Variants in NRXN3 observed in about 807,000 individuals in gnomAD.
NRXN3 encodes neurexin 3, also known as neurexin III.
A neutral mutation model predicts 137.6 loss-of-function variants in NRXN3; 32 were observed. The ratio of observed to expected loss-of-function variants is 0.23; its 90% CI spans 0.18 to 0.31. The LOEUF is 0.31. NRXN3 is among the 10% of genes least tolerant of loss of function. The probability of loss-of-function intolerance (pLI) is 1.00; values close to 1 mark genes in which losing one functional copy is unlikely to be tolerated. For synonymous variants in NRXN3, 798 were observed against 784.5 expected (o/e 1.02, Z -0.29); for missense variants, 1,574 against 2,062.5 (o/e 0.76, Z 4.59).
At chr14:79,215,870 A>T (rs2068420137) in intron 15 of NRXN3, among the ~76,000 whole-genome samples, 1 of 152,210 alleles carries the variant, frequency 6.6e-6, no homozygotes, top group Non-Finnish European at 1.5e-5. Context: ...ATTCAAAGAG[A>T]TAAGCATTTT....
intron 15 of NRXN3, among the ~76,000 whole-genome samples, chr14:79,002,228 A>G (rs1247552668): frequency 6.6e-6 from 1 of 152,122 alleles, no homozygotes; most frequent in Non-Finnish European, 1.5e-5. Context: ...TTTTATTTTT[A>G]GTTCTGGGGT....
chr14:79,133,943 AAAAAAAAAG>A (rs1281506772), intron 15 of NRXN3, among the ~76,000 whole-genome samples: 1 of 110,450 alleles, frequency 9.1e-6, no homozygotes, highest in East Asian at 4.0e-4. Flanking sequence ...AAAAGAAAAA[AAAAAAAAAG>A]GAAAGAAAAA....
intron 15 of NRXN3, among the ~76,000 whole-genome samples, chr14:79,395,812 A>C (rs1228008781): frequency 6.6e-6 from 1 of 151,590 alleles, no homozygotes; most frequent in East Asian, 1.9e-4. Context: ...CCATCTCAAA[A>C]AAAAAAAAAA....
intron 6 of NRXN3, among the ~76,000 whole-genome samples, chr14:78,699,040 C>T (rs1420589545): frequency 6.6e-6 from 1 of 152,000 alleles, no homozygotes; most frequent in East Asian, 1.9e-4. Context: ...TACTTTGTGT[C>T]AGGCATTGAG....
At chr14:78,368,992 A>G (rs1016579361) in intron 4 of NRXN3, among the ~76,000 whole-genome samples, 4 of 152,146 alleles carry the variant, frequency 2.6e-5, no homozygotes. Flanking sequence ...GACCAGCTCC[A>G]CAGATGAATG....
intron 4 of NRXN3, among the ~76,000 whole-genome samples, chr14:78,467,678 A>G (rs1236360444): frequency 6.6e-6 from 1 of 152,228 alleles, no homozygotes; most frequent in Non-Finnish European, 1.5e-5. Context: ...CTGGCCCATC[A>G]CTATTAACAT....
intron 10 of NRXN3, among the ~76,000 whole-genome samples, chr14:78,838,641 AC>A (rs2152433481): frequency 6.6e-6 from 1 of 152,314 alleles, no homozygotes; most frequent in Admixed American, 6.5e-5. Flanking sequence ...GGGGAATTTG[AC>A]AATCAATCTC....
intron 15 of NRXN3, among the ~76,000 whole-genome samples, chr14:79,264,113 G>C (rs2078058166): frequency 6.6e-6 from 1 of 151,852 alleles, no homozygotes. Context: ...TTTGAGACAG[G>C]GTCTTGCTCT....
At chr14:78,334,203 A>T (rs2081186240) in intron 4 of NRXN3, among the ~76,000 whole-genome samples, 1 of 152,030 alleles carries the variant, frequency 6.6e-6, no homozygotes, top group African/African-American at 2.4e-5. Flanking sequence ...CCAAGAGGAG[A>T]TATTGAGGAA....
At chr14:78,293,010 ACT>A (rs1177902744) in intron 3 of NRXN3, among the ~76,000 whole-genome samples, 2 of 151,792 alleles carry the variant, frequency 1.3e-5, no homozygotes, top group African/African-American at 4.8e-5. Context: ...CCTAGCATAG[ACT>A]CTGTTTCCTT....
chr14:78,335,810 GAA>G (rs1257020357), intron 4 of NRXN3, among the ~76,000 whole-genome samples: 2 of 152,262 alleles, frequency 1.3e-5, no homozygotes, highest in East Asian at 3.9e-4. Context: ...CCAGCTCCAT[GAA>G]ATGTAAATCT....
At chr14:79,676,522 T>G (rs1052574308) in intron 17 of NRXN3, among the ~76,000 whole-genome samples, 2 of 151,826 alleles carry the variant, frequency 1.3e-5, no homozygotes, top group Non-Finnish European at 2.9e-5. Flanking sequence ...AGGACTATAT[T>G]TAATAATATT....
At chr14:78,302,761 G>A (rs1476342643) in intron 4 of NRXN3, among the ~76,000 whole-genome samples, 1 of 152,198 alleles carries the variant, frequency 6.6e-6, no homozygotes, top group East Asian at 1.9e-4. Context: ...ACCGTGGGGT[G>A]TGAAACCCAG....
At chr14:79,154,227 C>T (rs2060052829) in intron 15 of NRXN3, among the ~76,000 whole-genome samples, 1 of 151,940 alleles carries the variant, frequency 6.6e-6, no homozygotes, top group Admixed American at 6.6e-5. Context: ...GCTCAAGGTG[C>T]AACCCACATA....
intron 15 of NRXN3, among the ~76,000 whole-genome samples, chr14:79,195,281 G>C (rs1177509720): frequency 3.3e-5 from 5 of 152,162 alleles, no homozygotes; most frequent in Non-Finnish European, 5.9e-5. Context: ...ATCTCTCCAT[G>C]TCAGGAGGCC....
At chr14:79,724,560 A>G (rs1257951799) in intron 19 of NRXN3, among the ~76,000 whole-genome samples, 1 of 152,194 alleles carries the variant, frequency 6.6e-6, no homozygotes, top group Non-Finnish European at 1.5e-5. Flanking sequence ...AGATGCTGCT[A>G]TACATTTTAT....
At chr14:78,913,476 CA>C (rs1364063847) in intron 10 of NRXN3, among the ~76,000 whole-genome samples, 1 of 151,684 alleles carries the variant, frequency 6.6e-6, no homozygotes, top group East Asian at 1.9e-4. Flanking sequence ...GATGGGGTTT[CA>C]CCACGTTGGC....
intron 11 of NRXN3, among the ~76,000 whole-genome samples, chr14:78,958,726 T>G (rs371615081): frequency 2.2e-4 from 33 of 152,332 alleles, no homozygotes; most frequent in African/African-American, 7.7e-4. Flanking sequence ...AGCAGAATTC[T>G]TATCCATATG....
rs535322428 is a variant in NRXN3 at position 78,206,852 on chromosome 14, C to T, written c.-703-35539C>T. On this transcript the variant is annotated intron_variant, in intron 1 of 20. Coordinates refer to ENST00000335750, the MANE Select transcript of NRXN3 (RefSeq NM_001330195.2). Reference sequence around the variant, plus strand: ...GGCTTCTTTTCCTGTTTTGCCACATCGGACATTCTTTTTTTTTTGTTTGTT... The same window carrying T: ...GGCTTCTTTTCCTGTTTTGCCACATTGGACATTCTTTTTTTTTTGTTTGTT... Among the ~76,000 whole-genome samples the T allele has an allele frequency of 1.4e-4, 21 of 152,116 alleles. No individual in the cohort carries two copies. In the East Asian group the frequency reaches 2.3e-3, roughly 17 times the overall value.
Sources: gnomAD v4.1 joint callset for allele counts (sites outside exome capture counted in the v4.1 genomes callset) on GRCh38, gnomAD v4.1.1 for gene constraint, MANE v1.5 for transcripts, NCBI Gene and HGNC (gene_info 2026-07-23, HGNC 2026-07-21) for gene names.